Variants in TMC1 observed in about 807,000 individuals in gnomAD.
TMC1 encodes transmembrane channel-like protein 1.
TMC1 carries 84 observed loss-of-function variants against 105.8 expected under a neutral mutation model. That is an observed-to-expected ratio of 0.79 (90% CI 0.67 to 0.95). TMC1 has a LOEUF of 0.95. Ranked by LOEUF, TMC1 falls within the 40% of genes least tolerant of loss-of-function variation. The pLI is 0.00. For missense variants in TMC1, 817 were observed against 914.1 expected, an observed-to-expected ratio of 0.89 and a Z score of 1.37; for synonymous variants, 315 against 311.5, an observed-to-expected ratio of 1.01 and a Z score of -0.12.
intron 13 of TMC1, among the ~76,000 whole-genome samples, chr9:72,775,673 G>A (rs145603237): frequency 4.1e-4 from 63 of 152,194 alleles, no homozygotes; most frequent in African/African-American, 1.5e-3. Context: ...ATTTCGTGTT[G>A]CTATAAAGGA....
At chr9:72,716,736 CT>C (rs1826926867) in intron 8 of TMC1, among the ~76,000 whole-genome samples, 1 of 152,196 alleles carries the variant, frequency 6.6e-6, no homozygotes, top group African/African-American at 2.4e-5. Flanking sequence ...GACCACTTGG[CT>C]CCCTGGCTTC....
At chr9:72,608,640 G>A (rs762355365) in intron 2 of TMC1, among the ~76,000 whole-genome samples, 9 of 151,630 alleles carry the variant, frequency 5.9e-5, no homozygotes, top group Non-Finnish European at 1.3e-4. Context: ...CCAGGAAGTG[G>A]AGGTTGCGGT....
rs1564530932 is a variant in TMC1, at chr9:72,751,905, AG to A, written c.592del (p.Val198SerfsTer8). 1.2e-6 allele frequency: 2 copies of A among 1,613,628 alleles called. No homozygotes were observed. Among genetic ancestry groups the A allele is most frequent in the Non-Finnish European group, 1.7e-6 (2 of 1,179,706 alleles). On this transcript the variant is annotated frameshift_variant, in exon 11 of 24. Coordinates refer to ENST00000297784, the MANE Select transcript of TMC1 (RefSeq NM_138691.3). LOFTEE classifies it high-confidence loss of function. ...TCCTCTTCTTGAGATGGATGTATGG[AG>A]TCAATATGGTTCTCTTTATCCTGAC... ...YFLFLRWMYG[V>X]NMVLFILTFS...
chr9:72,791,774 A>T, intron 15 of TMC1, 112 bp from the exon 16 acceptor site: 1 of 862,344 alleles, frequency 1.2e-6, no homozygotes, highest in Non-Finnish European at 1.9e-6. Context: ...AGTCATTTTT[A>T]GTCTTAAAAA....
At chr9:72,677,373 C>T (rs1024511976) in intron 5 of TMC1, among the ~76,000 whole-genome samples, 1 of 152,072 alleles carries the variant, frequency 6.6e-6, no homozygotes, top group Non-Finnish European at 1.5e-5. Context: ...ATGAGGCTCA[C>T]CCACATAGGG....
Position 72,719,686 on chromosome 9 carries a change from G to C in TMC1, c.362+19043G>C, listed in dbSNP as rs73650837. ...CACATTCTATTCTATCCATCCAAGTGGGGGCTGCAATTTAGTCCTGACTCC... is the reference window on the plus strand; with the variant it reads ...CACATTCTATTCTATCCATCCAAGTCGGGGCTGCAATTTAGTCCTGACTCC... On this transcript the variant is annotated intron_variant, in intron 8 of 23. Coordinates refer to ENST00000297784, the MANE Select transcript of TMC1 (RefSeq NM_138691.3). 2.2e-3 allele frequency among the ~76,000 whole-genome samples: 338 copies of C among 152,290 alleles called. 2 individuals are homozygous for C. Among genetic ancestry groups the C allele is most frequent in the African/African-American group, 7.8e-3 (326 of 41,566 alleles).
intron 5 of TMC1, among the ~76,000 whole-genome samples, chr9:72,665,703 A>G (rs543089731): frequency 6.6e-6 from 1 of 152,214 alleles, no homozygotes; most frequent in Non-Finnish European, 1.5e-5. Flanking sequence ...ACGATACCTT[A>G]GTTTACAGAG....
intron 8 of TMC1, among the ~76,000 whole-genome samples, chr9:72,726,285 G>A (rs1173625065): frequency 1.3e-5 from 2 of 151,958 alleles, no homozygotes; most frequent in Non-Finnish European, 2.9e-5. Flanking sequence ...ATTTATATAT[G>A]TGTGCATGTA....
intron 4 of TMC1, among the ~76,000 whole-genome samples, chr9:72,636,954 G>T (rs1221132349): frequency 6.6e-6 from 1 of 151,988 alleles, no homozygotes; most frequent in Admixed American, 6.6e-5. Flanking sequence ...TCAGAAGGCA[G>T]CCTCCACAAA....
chr9:72,594,856 GCTT>G (rs34749785), intron 2 of TMC1, among the ~76,000 whole-genome samples: 210 of 147,364 alleles, frequency 1.4e-3, no homozygotes, highest in African/African-American at 2.3e-3. Flanking sequence ...GCTCTCCTCT[GCTT>G]CTTCTTCTTC....
chr9:72,799,795 T>C (rs1211127853), intron 17 of TMC1, among the ~76,000 whole-genome samples: 2 of 152,192 alleles, frequency 1.3e-5, no homozygotes, highest in Non-Finnish European at 2.9e-5. Flanking sequence ...ATATGTTACA[T>C]GGCAAAATGG....
intron 7 of TMC1, among the ~76,000 whole-genome samples, chr9:72,698,110 C>G (rs1336519964): frequency 6.6e-6 from 1 of 151,846 alleles, no homozygotes; most frequent in East Asian, 1.9e-4. Context: ...CATGGCTACA[C>G]AGCATCATAG....
rs1036284600 is a variant in TMC1, at chr9:72,838,197, A to G, written c.*2224A>G. The G allele has an allele frequency of 6.6e-6, 1 of 152,220 alleles. No individual in the cohort carries two copies. Among genetic ancestry groups the G allele is most frequent in the Non-Finnish European group, 1.5e-5 (1 of 68,032 alleles). The allele number at this position is 152,220 out of a possible 1,614,324, so 9.4% of individuals were successfully genotyped here. ...GTTACCTGCATGAAAACATTTTACT[A>G]TGATGTAAGAAATGGATTATCTGTT... On this transcript the variant is annotated 3_prime_UTR_variant, in exon 24 of 24. Transcript: ENST00000297784.
chr9:72,636,391 C>A (rs1825534765), intron 4 of TMC1, among the ~76,000 whole-genome samples: 1 of 152,120 alleles, frequency 6.6e-6, no homozygotes, highest in South Asian at 2.1e-4. Context: ...GTAATTCTTT[C>A]ATTGATAAAG....
rs777874004 is a variant in TMC1 at position 72,688,706 on chromosome 9, C to T, written c.17-3C>T. 1.9e-6 allele frequency: 3 copies of T among 1,610,582 alleles called. No homozygotes were observed. The highest frequency in any genetic ancestry group is 2.5e-6 in the Non-Finnish European group (3 of 1,177,666). Reference sequence around the variant, plus strand: ...TTGCTGTACTGTTTTCTTTCCTCAACAGTACAAATCAAAGTGGAGGAAAAA... The same window carrying T: ...TTGCTGTACTGTTTTCTTTCCTCAATAGTACAAATCAAAGTGGAGGAAAAA... On this transcript the variant is annotated splice_polypyrimidine_tract_variant and splice_region_variant and intron_variant, in intron 5 of 23. Coordinates refer to ENST00000297784, the MANE Select transcript of TMC1 (RefSeq NM_138691.3).
rs543876756 is a variant in TMC1 at position 72,793,117 on chromosome 9, C to T, written c.1566+765C>T. ...CACACAGAGCTATGTGGAGTCTCAG[C>T]AGAGCAGCCACTTAAGCACATGCAG... On this transcript the variant is annotated intron_variant, in intron 17 of 23. Transcript: ENST00000297784. 1.4e-4 allele frequency among the ~76,000 whole-genome samples: 21 copies of T among 152,276 alleles called. No homozygotes were observed. In the East Asian group the frequency reaches 3.9e-3, roughly 28 times the overall value.
chr9:72,625,575 C>G (rs1280771180), intron 3 of TMC1, among the ~76,000 whole-genome samples: 1 of 151,674 alleles, frequency 6.6e-6, no homozygotes, highest in African/African-American at 2.4e-5. Context: ...ATAGTCCCAG[C>G]TACTCAGGAG....
chr9:72,652,742 C>T (rs1300714527), intron 5 of TMC1, among the ~76,000 whole-genome samples: 2 of 152,126 alleles, frequency 1.3e-5, no homozygotes, highest in Non-Finnish European at 1.5e-5. Flanking sequence ...TAGAAAAAGC[C>T]CTTTGAAATT....
chr9:72,704,714 T>C (rs2117884456), intron 8 of TMC1, among the ~76,000 whole-genome samples: 1 of 152,312 alleles, frequency 6.6e-6, no homozygotes, highest in Middle Eastern at 3.4e-3. Flanking sequence ...TGTATATCAA[T>C]ACAATTTCAC....
Sources: gnomAD v4.1 joint callset for allele counts (sites outside exome capture counted in the v4.1 genomes callset) on GRCh38, gnomAD v4.1.1 for gene constraint, MANE v1.5 for transcripts, NCBI Gene and HGNC (gene_info 2026-07-23, HGNC 2026-07-21) for gene names.